Variants in KCNG2 observed in about 807,000 individuals in gnomAD.
KCNG2 encodes the protein voltage-gated potassium channel regulatory subunit KCNG2.
Under a neutral mutation model 12.3 loss-of-function variants are expected in KCNG2, and 7 were observed. That is an observed-to-expected ratio of 0.57 (90% CI 0.32 to 1.07). The LOEUF (loss-of-function observed/expected upper bound fraction) is 1.07. Ranked by LOEUF, KCNG2 falls within the 50% of genes least tolerant of loss-of-function variation. KCNG2 has a pLI of 0.04. For missense variants in KCNG2, 703 were observed against 726.0 expected (o/e 0.97, Z 0.36); for synonymous variants, 414 against 351.4 (o/e 1.18, Z -1.99).
chr18:79,829,848 G>A (rs1364654697), intron 1 of KCNG2, among the ~76,000 whole-genome samples: 2 of 152,202 alleles, frequency 1.3e-5, no homozygotes, highest in Admixed American at 6.5e-5. Context: ...ACATTTCAGG[G>A]TGTGATACTC....
At chr18:79,824,423 G>T (rs1477743746) in intron 1 of KCNG2, among the ~76,000 whole-genome samples, 1 of 152,162 alleles carries the variant, frequency 6.6e-6, no homozygotes, top group Non-Finnish European at 1.5e-5. Flanking sequence ...GATTCTCTGG[G>T]ATTTCCAAGT....
chr18:79,822,548 C>A lies in KCNG2; in HGVS notation c.-115+24534C>A, dbSNP rs1026417678. 6.6e-6 allele frequency among the ~76,000 whole-genome samples: 1 copy of A among 152,164 alleles called. No individual in the cohort carries two copies. Among genetic ancestry groups the A allele is most frequent in the Non-Finnish European group, 1.5e-5 (1 of 68,030 alleles). ...TCAGCCTCCAGGGCTCAAGCATCCTCCCACGTCAGCCTCCCGAGTAGCTGG... is the reference window on the plus strand; with the variant it reads ...TCAGCCTCCAGGGCTCAAGCATCCTACCACGTCAGCCTCCCGAGTAGCTGG... On this transcript the variant is annotated intron_variant, in intron 1 of 3. Transcript: ENST00000316249. The surrounding 1 kb of genome is among the most constrained non-coding windows in gnomAD (Gnocchi z 4.4).
At chr18:79,867,766 A>G (rs1226792533) in intron 3 of KCNG2, among the ~76,000 whole-genome samples, 1 of 151,828 alleles carries the variant, frequency 6.6e-6, no homozygotes, top group East Asian at 1.9e-4. Flanking sequence ...GCACCCCACC[A>G]GGTGGGGGTC....
At chr18:79,810,989 TCA>T (rs1311883368) in intron 1 of KCNG2, among the ~76,000 whole-genome samples, 3 of 152,124 alleles carry the variant, frequency 2.0e-5, no homozygotes, top group Admixed American at 6.5e-5. Context: ...TACTATAGCA[TCA>T]AAAAGAGTAA....
chr18:79,871,282 C>A (rs369153571), intron 3 of KCNG2, among the ~76,000 whole-genome samples: 3 of 152,360 alleles, frequency 2.0e-5, no homozygotes, highest in East Asian at 3.9e-4. Context: ...TCTGTCGCAG[C>A]CTGTCCTGTG....
At position 79,822,952 on chromosome 18, in the gene KCNG2, G is replaced by A. The variant is rs949577767; in HGVS notation, c.-115+24938G>A. On this transcript the variant is annotated intron_variant, in intron 1 of 3. Transcript: ENST00000316249. The surrounding 1 kb of genome is among the most constrained non-coding windows in gnomAD (Gnocchi z 4.4). ...GTGGCTCACTTGTGGCATGTGAAGA[G>A]CGTGTGGAGCACCCCAAGGCTTTAG... 1.3e-5 allele frequency among the ~76,000 whole-genome samples: 2 copies of A among 152,240 alleles called. No homozygotes were observed. Among genetic ancestry groups the A allele is most frequent in the Non-Finnish European group, 2.9e-5 (2 of 68,042 alleles).
At chr18:79,857,959 C>T (rs978485575) in intron 2 of KCNG2, among the ~76,000 whole-genome samples, 6 of 152,064 alleles carry the variant, frequency 3.9e-5, no homozygotes, top group African/African-American at 1.2e-4. Context: ...ACCCCCTTGC[C>T]GGCTTTCTGT....
At chr18:79,885,080 A>C (rs547797796) in intron 3 of KCNG2, among the ~76,000 whole-genome samples, 1 of 152,260 alleles carries the variant, frequency 6.6e-6, no homozygotes, top group East Asian at 1.9e-4. Flanking sequence ...CTGACAGTAG[A>C]GGGCAGAAGC....
intron 1 of KCNG2, among the ~76,000 whole-genome samples, chr18:79,830,647 C>T (rs1056338745): frequency 2.6e-5 from 4 of 152,198 alleles, no homozygotes; most frequent in African/African-American, 7.2e-5. Context: ...GATGAGACCC[C>T]CAAGCATTCC....
chr18:79,807,597 T>A (rs1007963403), intron 1 of KCNG2, among the ~76,000 whole-genome samples: 46 of 152,170 alleles, frequency 3.0e-4, no homozygotes, highest in Non-Finnish European at 4.4e-4. Context: ...CTCTTCTTAA[T>A]GCTCTCACGC....
intron 1 of KCNG2, among the ~76,000 whole-genome samples, chr18:79,798,818 G>T (rs1568238941): frequency 1.3e-5 from 2 of 152,210 alleles, no homozygotes; most frequent in South Asian, 4.1e-4. Context: ...GACGGAGGGG[G>T]CGTCCGGCAG....
At chr18:79,872,414 T>C (rs1460298332) in intron 3 of KCNG2, among the ~76,000 whole-genome samples, 1 of 150,752 alleles carries the variant, frequency 6.6e-6, no homozygotes. Context: ...GCCTCCCGAG[T>C]AGCTGGGATT....
chr18:79,833,619 T>C (rs1978308156), intron 1 of KCNG2, among the ~76,000 whole-genome samples: 1 of 152,254 alleles, frequency 6.6e-6, no homozygotes, highest in Non-Finnish European at 1.5e-5. Context: ...TCTTTGGCTA[T>C]GACAGTTTCA....
At chr18:79,834,999 A>G (rs978580918) in intron 1 of KCNG2, among the ~76,000 whole-genome samples, 1 of 152,142 alleles carries the variant, frequency 6.6e-6, no homozygotes, top group Non-Finnish European at 1.5e-5. Flanking sequence ...GGTGTCGGCC[A>G]CCCATATGGG....
chr18:79,830,794 C>A (rs1294950090), intron 1 of KCNG2, among the ~76,000 whole-genome samples: 4 of 137,168 alleles, frequency 2.9e-5, no homozygotes, highest in Non-Finnish European at 4.8e-5. Context: ...GCGGACAGAG[C>A]CTTCGTCAGG....
At chr18:79,813,784 C>CA (rs545021912) in intron 1 of KCNG2, among the ~76,000 whole-genome samples, 250 of 152,204 alleles carry the variant, frequency 1.6e-3, no homozygotes, top group African/African-American at 5.5e-3. Flanking sequence ...AACTGCCCTG[C>CA]AAAAGACATT....
At chr18:79,877,092 A>G (rs1214896260) in intron 3 of KCNG2, among the ~76,000 whole-genome samples, 1 of 152,268 alleles carries the variant, frequency 6.6e-6, no homozygotes, top group Non-Finnish European at 1.5e-5. Context: ...GTTCCCTTAC[A>G]TAGATTTAAT....
rs772846041 is a variant in KCNG2 at position 79,898,989 on chromosome 18, C to T, written c.625-51C>T. 7 of 1,354,068 alleles carry T rather than the reference C, an allele frequency of 5.2e-6. No individual in the cohort carries two copies. In the East Asian group the frequency reaches 8.2e-5, roughly 16 times the overall value. The allele number at this position is 1,354,068 out of a possible 1,614,324, so 83.9% of individuals were successfully genotyped here. A position where few individuals can be genotyped will look rare whatever the true frequency, so the allele number is the denominator to read the frequency against. The stretch of plus-strand genomic sequence containing the variant: ...TGGGAAAGGAAGGGCAAGGCGCCCC[C>T]GGCCCTCCAAGAGGCCTGCGCCCCC... On this transcript the variant is annotated intron_variant, in intron 3 of 3. Coordinates refer to ENST00000316249, the MANE Select transcript of KCNG2 (RefSeq NM_012283.2).
chr18:79,897,895 A>G (rs1981035304), intron 3 of KCNG2, among the ~76,000 whole-genome samples: 1 of 151,598 alleles, frequency 6.6e-6, no homozygotes, highest in South Asian at 2.1e-4. Context: ...GACCACACCC[A>G]GTAGTTAAAC....
Sources: allele counts gnomAD v4.1 joint callset (sites outside exome capture counted in the v4.1 genomes callset), GRCh38; gene constraint gnomAD v4.1.1; non-coding constraint Gnocchi (gnomAD v3.1); transcripts MANE v1.5; gene names NCBI Gene and HGNC (gene_info 2026-07-23, HGNC 2026-07-21).